The following RBFOX1 variants were observed in gnomAD, a reference collection of about 807,000 sequenced individuals.
RBFOX1 encodes RNA binding protein fox-1 homolog 1.
RBFOX1 carries 8 observed loss-of-function variants against 57.7 expected under a neutral mutation model. The observed-to-expected ratio is 0.14, with a 90% CI of 0.08 to 0.25. The LOEUF is 0.25. Ranked by LOEUF, RBFOX1 falls within the 10% of genes least tolerant of loss-of-function variation. The pLI is 1.00. For missense variants in RBFOX1, 611 were observed against 548.5 expected (o/e 1.11, Z -1.14); for synonymous variants, 326 against 222.4 (o/e 1.47, Z -4.15).
chr16:7,158,164 T>C (rs367915127), intron 4 of RBFOX1, among the ~76,000 whole-genome samples: 1 of 152,040 alleles, frequency 6.6e-6, no homozygotes, highest in African/African-American at 2.4e-5. Flanking sequence ...CTGGCCAACA[T>C]GGTGAAACCC....
chr16:5,907,175 T>A (rs181777491), intron 4 of RBFOX1, among the ~76,000 whole-genome samples: 5 of 152,316 alleles, frequency 3.3e-5, no homozygotes, highest in African/African-American at 4.8e-5. Flanking sequence ...GTTGACCTGC[T>A]GTGGCTTCAG....
chr16:7,331,754 C>T (rs914106748), intron 4 of RBFOX1, among the ~76,000 whole-genome samples: 1 of 152,022 alleles, frequency 6.6e-6, no homozygotes, highest in African/African-American at 2.4e-5. Context: ...GATCACACAG[C>T]TAGTGATTAT....
chr16:6,933,284 AT>A, intron 3 of RBFOX1, among the ~76,000 whole-genome samples: 1 of 152,262 alleles, frequency 6.6e-6, no homozygotes. Context: ...TCATAGAGTA[AT>A]TTATTTATTT....
intron 4 of RBFOX1, among the ~76,000 whole-genome samples, chr16:7,189,240 A>G (rs2084707486): frequency 1.3e-5 from 2 of 151,858 alleles, no homozygotes; most frequent in South Asian, 4.2e-4. Flanking sequence ...CCTGGCTAAC[A>G]CAGTGAAACC....
At chr16:7,334,174 G>A (rs2096742994) in intron 4 of RBFOX1, among the ~76,000 whole-genome samples, 1 of 152,132 alleles carries the variant, frequency 6.6e-6, no homozygotes. Context: ...GAACCTGGGT[G>A]ATTAGAGTCA....
chr16:6,880,692 A>G (rs971783951), intron 3 of RBFOX1, among the ~76,000 whole-genome samples: 2 of 152,252 alleles, frequency 1.3e-5, no homozygotes, highest in Admixed American at 6.5e-5. Context: ...ACTGAGCTGT[A>G]TGATGTTCCA....
chr16:6,069,347 G>A (rs1252866404), intron 1 of RBFOX1, among the ~76,000 whole-genome samples: 1 of 147,564 alleles, frequency 6.8e-6, no homozygotes, highest in Non-Finnish European at 1.5e-5. Flanking sequence ...GCAGTGAGCC[G>A]AGATTGTGCC....
rs148617448 is a variant in RBFOX1 at position 6,969,457 on chromosome 16, G to A, written c.-15-82600G>A. ...AACATTACATTCAAATAAGGTGGCC[G>A]GGTGTGGTGGCTCATGCCTGTAATC... is the stretch of plus-strand genomic sequence containing the variant. On this transcript the variant is annotated intron_variant, in intron 3 of 15. Coordinates refer to ENST00000550418, the MANE Select transcript of RBFOX1 (RefSeq NM_018723.4). 3.8e-4 allele frequency among the ~76,000 whole-genome samples: 58 copies of A among 152,228 alleles called. No homozygotes were observed. The East Asian group carries it at 9.6e-3, about 25-fold the overall frequency.
chr16:5,705,834 G>C (rs893786515), intron 3 of RBFOX1, among the ~76,000 whole-genome samples: 1 of 152,240 alleles, frequency 6.6e-6, no homozygotes, highest in African/African-American at 2.4e-5. Flanking sequence ...ATCCGTAGTG[G>C]CTAGAACAGT....
At chr16:5,857,774 CAAAG>C (rs2057109966) in intron 3 of RBFOX1, among the ~76,000 whole-genome samples, 1 of 150,940 alleles carries the variant, frequency 6.6e-6, no homozygotes, top group African/African-American at 2.4e-5. Context: ...AAAAAAAAAA[CAAAG>C]AAAAGAACTG....
At chr16:6,501,947 A>C (rs539599003) in intron 2 of RBFOX1, among the ~76,000 whole-genome samples, 2 of 152,188 alleles carry the variant, frequency 1.3e-5, no homozygotes, top group Admixed American at 6.6e-5. Context: ...AGTGGTGAAC[A>C]AAATAGATAA....
intron 4 of RBFOX1, among the ~76,000 whole-genome samples, chr16:5,912,249 T>G (rs1452579535): frequency 6.6e-6 from 1 of 152,150 alleles, no homozygotes; most frequent in Admixed American, 6.5e-5. Flanking sequence ...GCATTTATAG[T>G]GATCAAATGA....
In RBFOX1 at chr16:6,954,138, T is replaced by A. The variant is rs567393198; in HGVS notation, c.-15-97919T>A. Reference sequence around the variant, plus strand: ...GTCACCTTTGCAGGCGTATTGGAAGTTACAGGTTAGATCTAGTGGTTTTGA... The same window carrying A: ...GTCACCTTTGCAGGCGTATTGGAAGATACAGGTTAGATCTAGTGGTTTTGA... On this transcript the variant is annotated intron_variant, in intron 3 of 15. Coordinates refer to ENST00000550418, the MANE Select transcript of RBFOX1 (RefSeq NM_018723.4). 2.0e-5 allele frequency among the ~76,000 whole-genome samples: 3 copies of A among 152,276 alleles called. No homozygotes were observed. The East Asian group carries it at 5.8e-4, about 29-fold the overall frequency.
chr16:5,425,626 T>A (rs77127829), intron 1 of RBFOX1, among the ~76,000 whole-genome samples: 1,599 of 152,294 alleles, frequency 0.01, 29 homozygotes, highest in African/African-American at 0.037. Context: ...CCTTTCTCTT[T>A]GAATACGGGA....
intron 3 of RBFOX1, among the ~76,000 whole-genome samples, chr16:6,959,526 T>A (rs1386982390): frequency 6.6e-6 from 1 of 152,174 alleles, no homozygotes; most frequent in Non-Finnish European, 1.5e-5. Flanking sequence ...TCTCTCATTC[T>A]GTGTGCATTT....
chr16:7,703,207 G>T (rs571951788), intron 14 of RBFOX1, among the ~76,000 whole-genome samples: 1 of 152,160 alleles, frequency 6.6e-6, no homozygotes, highest in Non-Finnish European at 1.5e-5. Flanking sequence ...TAGATATAAG[G>T]ATAAAGGAGG....
intron 3 of RBFOX1, among the ~76,000 whole-genome samples, chr16:6,916,130 A>T (rs930837726): frequency 6.6e-6 from 1 of 152,102 alleles, no homozygotes; most frequent in African/African-American, 2.4e-5. Context: ...ACTGAAGGCA[A>T]CCCTCCAGGA....
At chr16:6,309,238 G>A (rs2079934871) in intron 1 of RBFOX1, among the ~76,000 whole-genome samples, 1 of 152,022 alleles carries the variant, frequency 6.6e-6, no homozygotes, top group Non-Finnish European at 1.5e-5. Flanking sequence ...CAACTAAAAA[G>A]AGCCTCATTG....
intron 14 of RBFOX1, among the ~76,000 whole-genome samples, chr16:7,704,632 C>G (rs1250383773): frequency 6.6e-6 from 1 of 152,178 alleles, no homozygotes; most frequent in South Asian, 2.1e-4. Context: ...ACTGCCCCAG[C>G]CTCCATGGAG....
Sources: allele counts gnomAD v4.1 joint callset (sites outside exome capture counted in the v4.1 genomes callset), GRCh38; gene constraint gnomAD v4.1.1; transcripts MANE v1.5; gene names NCBI Gene and HGNC (gene_info 2026-07-23, HGNC 2026-07-21).